The following DGKI variants were observed in gnomAD, a reference collection of about 807,000 sequenced individuals.
The protein encoded by DGKI is DAG kinase iota.
DGKI carries 55 observed loss-of-function variants against 147.5 expected under a neutral mutation model. That is an observed-to-expected ratio of 0.37 (90% CI 0.30 to 0.47). The LOEUF is 0.47. Among genes scored for constraint, DGKI ranks in the 20% least tolerant of loss-of-function variants. The pLI, the probability that DGKI is intolerant of heterozygous loss-of-function variation, is 1.00. For synonymous variants in DGKI, 469 were observed against 477.1 expected, an observed-to-expected ratio of 0.98 and a Z score of 0.22; for missense variants, 1,007 against 1,323.8, an observed-to-expected ratio of 0.76 and a Z score of 3.71.
chr7:137,745,782 A>G (rs1795307092), intron 1 of DGKI, among the ~76,000 whole-genome samples: 1 of 151,196 alleles, frequency 6.6e-6, no homozygotes, highest in Admixed American at 6.6e-5. Flanking sequence ...AAAAGGATAG[A>G]AAAAAAAACA....
In DGKI at chr7:137,381,262, A is replaced by G. The variant is rs1310887080; in HGVS notation, c.*9958T>C. 2.0e-5 allele frequency: 3 copies of G among 148,708 alleles called. No individual in the cohort carries two copies. The highest frequency in any genetic ancestry group is 5.0e-5 in the African/African-American group (2 of 40,296). 9.2% of individuals were successfully genotyped at this position (148,708 alleles called of 1,614,324 possible). A position where few individuals can be genotyped will look rare whatever the true frequency, so the allele number is the denominator to read the frequency against. ...AATACTTTATGACTTTGTTACAAAA[A>G]ACTTCATTCTTCCCTTTCCCATCCC... On this transcript the variant is annotated 3_prime_UTR_variant, in exon 33 of 33. Coordinates refer to ENST00000614521, the MANE Select transcript of DGKI (RefSeq NM_001321708.2).
At chr7:137,659,904 G>C (rs569153075) in intron 3 of DGKI, among the ~76,000 whole-genome samples, 1 of 152,198 alleles carries the variant, frequency 6.6e-6, no homozygotes, top group South Asian at 2.1e-4. Context: ...CTGCACTCCA[G>C]CCTGGGCGAC....
intron 3 of DGKI, among the ~76,000 whole-genome samples, chr7:137,676,172 C>T (rs957009513): frequency 3.5e-4 from 53 of 152,154 alleles, no homozygotes; most frequent in Admixed American, 1.4e-3. Context: ...AGTGTATCTA[C>T]TTACACTCCT....
rs544172486 is a variant in DGKI, at chr7:137,487,621, G to A, written c.2317C>T (p.Arg773Cys). The A allele has an allele frequency of 7.4e-6, 12 of 1,613,462 alleles. No homozygotes were observed. Among genetic ancestry groups the A allele is most frequent in the African/African-American group, 1.3e-5 (1 of 74,864 alleles). ...CTAAATAAACTCACCTCCTGTAGGC[G>A]GTCTATGTACATACGGCAAGTCTCC... ...DLETCRMYID[R>C]LQEDLQSVSS... The change falls in exon 22 of 33, where the codon CGC becomes TGC. Residue 773 changes from arginine to cysteine, a missense_variant. Transcript: ENST00000614521.
chr7:137,662,397 C>T (rs1212171558), intron 3 of DGKI, among the ~76,000 whole-genome samples: 1 of 152,094 alleles, frequency 6.6e-6, no homozygotes, highest in East Asian at 1.9e-4. Flanking sequence ...GTGCCCGCCA[C>T]CACGCCCGGC....
chr7:137,532,661 G>A (rs1817380796), intron 20 of DGKI, among the ~76,000 whole-genome samples: 1 of 152,032 alleles, frequency 6.6e-6, no homozygotes, highest in Non-Finnish European at 1.5e-5. Context: ...CCAGCCCAAG[G>A]TTTCTTGTCG....
At chr7:137,634,287 C>T (rs1162903453) in intron 6 of DGKI, among the ~76,000 whole-genome samples, 1 of 152,022 alleles carries the variant, frequency 6.6e-6, no homozygotes, top group East Asian at 1.9e-4. Flanking sequence ...GTCCAGCCTG[C>T]AATGAAAGAA....
At chr7:137,787,232 G>A (rs969379852) in intron 1 of DGKI, among the ~76,000 whole-genome samples, 5 of 151,994 alleles carry the variant, frequency 3.3e-5, no homozygotes, top group African/African-American at 1.2e-4. Flanking sequence ...TCTGACAAAT[G>A]ACTAATATCC....
intron 10 of DGKI, 32 bp downstream of exon 10, chr7:137,608,934 T>C (rs759439591): frequency 6.5e-7 from 1 of 1,532,292 alleles, no homozygotes; most frequent in Admixed American, 1.7e-5. Context: ...TTATCAAAAC[T>C]TCTAAGTTGA....
chr7:137,485,522 C>G, intron 22 of DGKI, 104 bp from the exon 23 acceptor site: 1 of 860,044 alleles, frequency 1.2e-6, no homozygotes, highest in Non-Finnish European at 1.8e-6. Flanking sequence ...TTACTATGCT[C>G]ATCTGGAAAG....
Position 137,587,248 on chromosome 7 carries a change from GATAA to G in DGKI, c.1312-42_1312-39del, listed in dbSNP as rs767849540. 10 of 1,495,260 alleles carry G rather than the reference GATAA, an allele frequency of 6.7e-6. No homozygotes were observed. In the Admixed American group the frequency reaches 2.2e-4, roughly 33 times the overall value. 92.6% of individuals were successfully genotyped at this position (1,495,260 alleles called of 1,614,324 possible). ...CGGGGGCCAGAAGAGATATAAGAAAGATAAATAAGTTACAAAGAAAACAGTTTGA... is the reference window on the plus strand; with the variant it reads ...CGGGGGCCAGAAGAGATATAAGAAAGATAAGTTACAAAGAAAACAGTTTGA... On this transcript the variant is annotated intron_variant, in intron 12 of 32. Transcript: ENST00000614521.
At chr7:137,520,178 TC>T in intron 21 of DGKI, among the ~76,000 whole-genome samples, 1 of 152,224 alleles carries the variant, frequency 6.6e-6, no homozygotes, top group Admixed American at 6.6e-5. Flanking sequence ...GCTTCAAATC[TC>T]ATTTCAGCTA....
intron 21 of DGKI, among the ~76,000 whole-genome samples, chr7:137,517,277 GAAAAAGAA>G (rs1459403400): frequency 1.7e-3 from 88 of 51,534 alleles, no homozygotes; most frequent in Non-Finnish European, 2.6e-3. Flanking sequence ...AGAAAGAAAA[GAAAAAGAA>G]AGAAAGAAAG....
At chr7:137,537,712 C>T (rs1240910437) in intron 20 of DGKI, among the ~76,000 whole-genome samples, 1 of 152,098 alleles carries the variant, frequency 6.6e-6, no homozygotes, top group Non-Finnish European at 1.5e-5. Context: ...CCCATGAGTG[C>T]GATTCATTCT....
intron 1 of DGKI, among the ~76,000 whole-genome samples, chr7:137,756,574 G>A (rs1795689678): frequency 6.6e-6 from 1 of 152,210 alleles, no homozygotes. Flanking sequence ...GGTTGACAAA[G>A]AAGCCATTCA....
chr7:137,566,165 G>C (rs1818578578), intron 19 of DGKI, among the ~76,000 whole-genome samples: 1 of 152,044 alleles, frequency 6.6e-6, no homozygotes, highest in Non-Finnish European at 1.5e-5. Context: ...TACTGGTTAT[G>C]TTTTTAATTA....
At chr7:137,485,278 G>A (rs1456830209) in intron 23 of DGKI, 96 bp downstream of exon 23, 2 of 916,344 alleles carry the variant, frequency 2.2e-6, no homozygotes, top group Admixed American at 4.9e-5. Context: ...TATCCCTAGG[G>A]AAGATGTGAA....
chr7:137,442,022 T>C (rs533927419), intron 28 of DGKI, among the ~76,000 whole-genome samples: 3 of 152,144 alleles, frequency 2.0e-5, no homozygotes, highest in Non-Finnish European at 2.9e-5. Flanking sequence ...AGAAAAAAGC[T>C]TTTTTTCAAG....
At chr7:137,425,750 A>C (rs1812774974) in intron 28 of DGKI, among the ~76,000 whole-genome samples, 1 of 152,248 alleles carries the variant, frequency 6.6e-6, no homozygotes, top group South Asian at 2.1e-4. Flanking sequence ...TACGTGAAGA[A>C]TCCAGAAGCC....
Sources: allele counts gnomAD v4.1 joint callset (sites outside exome capture counted in the v4.1 genomes callset), GRCh38; gene constraint gnomAD v4.1.1; transcripts MANE v1.5; gene names NCBI Gene and HGNC (gene_info 2026-07-23, HGNC 2026-07-21).